Variants in PSME1 observed in about 807,000 individuals in gnomAD.
PSME1 encodes proteasome activator subunit 1.
In PSME1, 15 loss-of-function variants were observed where a neutral mutation model predicts 38.4. The ratio of observed to expected loss-of-function variants is 0.39; its 90% CI spans 0.26 to 0.60. The LOEUF (loss-of-function observed/expected upper bound fraction) is 0.60, where lower values mean the gene tolerates loss of function less well. PSME1 is among the 20% of genes least tolerant of loss of function. The pLI is 0.53. For synonymous variants in PSME1, 106 were observed against 106.8 expected, an observed-to-expected ratio of 0.99 and a Z score of 0.05; for missense variants, 249 against 305.6, an observed-to-expected ratio of 0.81 and a Z score of 1.38.
Position 24,137,550 on chromosome 14 carries a change from G to A in PSME1, c.277G>A (p.Glu93Lys). ...KEDKDEKKKGEDEDKGPPCGP... is the reference protein window; with the variant it reads ...KEDKDEKKKGKDEDKGPPCGP... ...AGACAAGGATGAAAAGAAGAAGGGGGAGGATGAAGACAAAGGTACTTGAAA... is the reference window on the plus strand; with the variant it reads ...AGACAAGGATGAAAAGAAGAAGGGGAAGGATGAAGACAAAGGTACTTGAAA... The change falls in exon 5 of 11, where the codon GAG (glutamate) becomes AAG (lysine). Residue 93 changes from glutamate to lysine, a missense_variant. Glu to Lys is a moderately conservative substitution (Grantham distance 56). Coordinates refer to ENST00000206451, the MANE Select transcript of PSME1 (RefSeq NM_006263.4). The A allele has an allele frequency of 6.2e-7, 1 of 1,614,188 alleles. No homozygotes were observed. Among genetic ancestry groups the A allele is most frequent in the Non-Finnish European group, 8.5e-7 (1 of 1,180,036 alleles).
At position 24,138,272 on chromosome 14, in the gene PSME1, C is replaced by A; in HGVS notation, c.527+9C>A. 2 of 1,613,848 alleles carry A rather than the reference C, an allele frequency of 1.2e-6. No homozygotes were observed. The highest frequency in any genetic ancestry group is 1.7e-6 in the Non-Finnish European group (2 of 1,179,740). ...CACACTCAAATCTCTAAGTGAGTGACCACCCATGTGCACACTGTTTTTGTT... is the reference window on the plus strand; with the variant it reads ...CACACTCAAATCTCTAAGTGAGTGAACACCCATGTGCACACTGTTTTTGTT... On this transcript the variant is annotated intron_variant, in intron 8 of 10. Transcript: ENST00000206451.
rs1209461998 is a variant in PSME1 at position 24,137,431 on chromosome 14, G to A, written c.246G>A (p.Glu82=). The A allele has an allele frequency of 3.7e-6, 6 of 1,614,184 alleles. No homozygotes were observed. The highest frequency in any genetic ancestry group is 5.1e-6 in the Non-Finnish European group (6 of 1,180,022). Residue 82 remains glutamate, a splice_region_variant and synonymous_variant, in exon 4 of 11, where the codon GAG becomes GAA. Coordinates refer to ENST00000206451, the MANE Select transcript of PSME1 (RefSeq NM_006263.4). The part of the protein sequence containing the change: ...KEKEERKKQQ[E]KEDKDEKKKG... Reference sequence around the variant, plus strand: ...AAGAGGAGCGGAAGAAACAGCAGGAGGCAAGCTGGGAAGACCTGGGAGAAG... The same window carrying A: ...AAGAGGAGCGGAAGAAACAGCAGGAAGCAAGCTGGGAAGACCTGGGAGAAG...
rs2037910114 is a variant in PSME1, at chr14:24,136,831, C to T, written c.40-154C>T. 2 of 832,958 alleles carry T rather than the reference C, an allele frequency of 2.4e-6. No individual in the cohort carries two copies. Among genetic ancestry groups the T allele is most frequent in the Non-Finnish European group, 4.0e-6 (2 of 499,740 alleles). The allele number at this position is 832,958 out of a possible 1,614,324, so 51.6% of individuals were successfully genotyped here. The stretch of plus-strand genomic sequence containing the variant: ...CCACCTTCTCCACCACCCCAACCCA[C>T]CCTACAGGCATCCATCTCGCTTTCT... On this transcript the variant is annotated intron_variant, in intron 1 of 10. Transcript: ENST00000206451. This position sits in a 1 kb window ranked among gnomAD's most constrained non-coding sequence, Gnocchi z 4.8.
Position 24,137,803 on chromosome 14 carries a change from C to T in PSME1, c.390+6C>T, listed in dbSNP as rs368068635. ...TCATTGAGCAGCTCAACCTGGTAAG[C>T]CCTCCCCCTTAAACTCTCAGGCTTC... On this transcript the variant is annotated splice_donor_region_variant and intron_variant, in intron 6 of 10. Coordinates refer to ENST00000206451, the MANE Select transcript of PSME1 (RefSeq NM_006263.4). 2 of 1,612,992 alleles carry T rather than the reference C, an allele frequency of 1.2e-6. No homozygotes were observed. The highest frequency in any genetic ancestry group is 1.7e-6 in the Non-Finnish European group (2 of 1,178,932).
intron 9 of PSME1, 25 bp from the exon 10 acceptor site, chr14:24,138,449 C>G: frequency 6.2e-7 from 1 of 1,614,134 alleles, no homozygotes; most frequent in Non-Finnish European, 8.5e-7. Context: ...CATGTAAGGT[C>G]AGGCCTGACC....
chr14:24,137,445 A>C lies in PSME1; in HGVS notation c.246+14A>C, dbSNP rs1252655916. The C allele has an allele frequency of 6.2e-7, 1 of 1,614,000 alleles. No individual in the cohort carries two copies. The highest frequency in any genetic ancestry group is 8.5e-7 in the Non-Finnish European group (1 of 1,179,946). ...AAACAGCAGGAGGCAAGCTGGGAAGACCTGGGAGAAGGGATCCAACTATGG... is the reference window on the plus strand; with the variant it reads ...AAACAGCAGGAGGCAAGCTGGGAAGCCCTGGGAGAAGGGATCCAACTATGG... On this transcript the variant is annotated intron_variant, in intron 4 of 10. Transcript: ENST00000206451.
At chr14:24,138,155 C>G (rs758891347) in intron 7 of PSME1, 38 bp downstream of exon 7, 1 of 1,614,002 alleles carries the variant, frequency 6.2e-7, no homozygotes, top group Non-Finnish European at 8.5e-7. Context: ...CTTTTCTAGT[C>G]CATGCTTCCT....
intron 6 of PSME1, 121 bp downstream of exon 6, chr14:24,137,918 A>T: frequency 6.7e-7 from 1 of 1,487,658 alleles, no homozygotes; most frequent in Admixed American, 1.7e-5. Flanking sequence ...GTGAAACCAG[A>T]AGTCCAGGCC....
rs564965271 is a variant in PSME1 at position 24,136,527 on chromosome 14, G to A, written c.39+226G>A. Among the ~76,000 whole-genome samples the A allele has an allele frequency of 2.0e-5, 3 of 152,284 alleles. No homozygotes were observed. ...AGGTGAAGCGGAGAGCTGGCGTGGA[G>A]GGGAACTCCGCTGGCCTGGGGCCGG... On this transcript the variant is annotated intron_variant, in intron 1 of 10. Coordinates refer to ENST00000206451, the MANE Select transcript of PSME1 (RefSeq NM_006263.4). The surrounding 1 kb of genome is among the most constrained non-coding windows in gnomAD (Gnocchi z 4.8).
intron 5 of PSME1, 21 bp downstream of exon 5, chr14:24,137,586 G>C: frequency 6.2e-7 from 1 of 1,614,054 alleles, no homozygotes; most frequent in Non-Finnish European, 8.5e-7. Context: ...CCACAATGGT[G>C]GGAAGAGACT....
chr14:24,136,318 C>T lies in PSME1; in HGVS notation c.39+17C>T, dbSNP rs558255930. The T allele has an allele frequency of 1.2e-5, 18 of 1,516,618 alleles. No homozygotes were observed. The highest frequency in any genetic ancestry group is 1.8e-4 in the Middle Eastern group (1 of 5,696). The allele number at this position is 1,516,618 out of a possible 1,614,324, so 93.9% of individuals were successfully genotyped here. A position where few individuals can be genotyped will look rare whatever the true frequency, so the allele number is the denominator to read the frequency against. ...CAAGCCAAGGTGAGCGCCGCGGGGT[C>T]TAGAAAGGGCCCACTGGGGAGGCGT... is the stretch of plus-strand genomic sequence containing the variant. On this transcript the variant is annotated intron_variant, in intron 1 of 10. Coordinates refer to ENST00000206451, the MANE Select transcript of PSME1 (RefSeq NM_006263.4). This position sits in a 1 kb window ranked among gnomAD's most constrained non-coding sequence, Gnocchi z 4.8.
rs187790807 is a variant in PSME1 at position 24,137,450 on chromosome 14, G to A, written c.246+19G>A. ...GCAGGAGGCAAGCTGGGAAGACCTG[G>A]GAGAAGGGATCCAACTATGGGGGTA... On this transcript the variant is annotated intron_variant, in intron 4 of 10. Coordinates refer to ENST00000206451, the MANE Select transcript of PSME1 (RefSeq NM_006263.4). The A allele has an allele frequency of 9.2e-5, 149 of 1,614,078 alleles. 1 individual carries two copies. In the Admixed American group the frequency reaches 2.4e-3, roughly 27 times the overall value.
Position 24,136,222 on chromosome 14 carries a change from C to G in PSME1, c.-41C>G. 1 of 1,515,416 alleles carries G rather than the reference C, an allele frequency of 6.6e-7. No individual in the cohort carries two copies. Among genetic ancestry groups the G allele is most frequent in the African/African-American group, 1.4e-5 (1 of 69,086 alleles). 93.9% of individuals were successfully genotyped at this position (1,515,416 alleles called of 1,614,324 possible). ...GCTTTCGCTTTCCCTTCGCGGTGCCCACTCCACTCCTTGTGCGGCGCTAGG... is the reference window on the plus strand; with the variant it reads ...GCTTTCGCTTTCCCTTCGCGGTGCCGACTCCACTCCTTGTGCGGCGCTAGG... On this transcript the variant is annotated 5_prime_UTR_variant, in exon 1 of 11. Transcript: ENST00000206451. The surrounding 1 kb of genome is among the most constrained non-coding windows in gnomAD (Gnocchi z 4.8).
In PSME1 at chr14:24,138,245, T is replaced by G; in HGVS notation, c.509T>G (p.Phe170Cys). ...AGCCTCCACACCAAGCTAGAAGGCT[T>G]CCACACTCAAATCTCTAAGTGAGTG... is the stretch of plus-strand genomic sequence containing the variant. ...MTSLHTKLEG[F>C]HTQISKYFSE... Residue 170 changes from phenylalanine (F) to cysteine (C), a missense_variant, in exon 8 of 11, where the codon TTC (phenylalanine) becomes TGC (cysteine). Coordinates refer to ENST00000206451, the MANE Select transcript of PSME1 (RefSeq NM_006263.4). 6.2e-7 allele frequency: 1 copy of G among 1,614,206 alleles called. No homozygotes were observed. Among genetic ancestry groups the G allele is most frequent in the Non-Finnish European group, 8.5e-7 (1 of 1,180,032 alleles).
chr14:24,137,081 A>C (rs1350449441), intron 2 of PSME1, 62 bp from the exon 3 acceptor site: 1 of 1,613,788 alleles, frequency 6.2e-7, no homozygotes, highest in Non-Finnish European at 8.5e-7. Context: ...ACCCTGCCTC[A>C]CTACCTAGGA....
At position 24,137,174 on chromosome 14, in the gene PSME1, A is replaced by G. The variant is rs773083413; in HGVS notation, c.104A>G (p.Lys35Arg). 6.6e-5 allele frequency: 107 copies of G among 1,614,024 alleles called. No homozygotes were observed. The highest frequency in any genetic ancestry group is 8.1e-5 in the Non-Finnish European group (95 of 1,180,004). The change falls in exon 3 of 11, where the codon AAG becomes AGG. Residue 35 changes from lysine to arginine, a missense_variant. Lys to Arg is a conservative substitution (Grantham distance 26). Transcript: ENST00000206451. The part of the protein sequence containing the change: ...TENLLGSYFP[K>R]KISELDAFLK... The stretch of plus-strand genomic sequence containing the variant: ...AACCTGCTCGGGAGCTATTTCCCCA[A>G]GAAGATTTCTGAGCTGGATGCATTT...
Position 24,136,347 on chromosome 14 carries a change from T to A in PSME1, c.39+46T>A, listed in dbSNP as rs2037901387. The stretch of plus-strand genomic sequence containing the variant: ...AAAGGGCCCACTGGGGAGGCGTGGC[T>A]GGAGCGGCCGGGGGCATCCCCGACC... On this transcript the variant is annotated intron_variant, in intron 1 of 10. Coordinates refer to ENST00000206451, the MANE Select transcript of PSME1 (RefSeq NM_006263.4). The surrounding 1 kb of genome is among the most constrained non-coding windows in gnomAD (Gnocchi z 4.8). 5 of 1,486,780 alleles carry A rather than the reference T, an allele frequency of 3.4e-6. No homozygotes were observed. The East Asian group carries it at 1.5e-4, about 44-fold the overall frequency. The allele number at this position is 1,486,780 out of a possible 1,614,324, so 92.1% of individuals were successfully genotyped here.
In PSME1 at chr14:24,138,073, A is replaced by C; in HGVS notation, c.415A>C (p.Ile139Leu). Residue 139 changes from isoleucine to leucine, a missense_variant, in exon 7 of 11, where the codon ATA becomes CTA. By Grantham distance (5) the Ile-to-Leu change is conservative (BLOSUM62 2). Coordinates refer to ENST00000206451, the MANE Select transcript of PSME1 (RefSeq NM_006263.4). ...GGTCACCACCTGGTTGCAGCTGCAG[A>C]TACCTCGGATTGAGGATGGTAACAA... ...NLVTTWLQLQ[I>L]PRIEDGNNFG... 1.9e-6 allele frequency: 3 copies of C among 1,614,240 alleles called. No individual in the cohort carries two copies. The highest frequency in any genetic ancestry group is 2.5e-6 in the Non-Finnish European group (3 of 1,180,044).
rs2037905339 is a variant in PSME1 at position 24,136,540 on chromosome 14, G to C, written c.39+239G>C. 6.6e-6 allele frequency among the ~76,000 whole-genome samples: 1 copy of C among 152,158 alleles called. No individual in the cohort carries two copies. The highest frequency in any genetic ancestry group is 1.5e-5 in the Non-Finnish European group (1 of 68,002). On this transcript the variant is annotated intron_variant, in intron 1 of 10. Coordinates refer to ENST00000206451, the MANE Select transcript of PSME1 (RefSeq NM_006263.4). The surrounding 1 kb of genome is among the most constrained non-coding windows in gnomAD (Gnocchi z 4.8). The stretch of plus-strand genomic sequence containing the variant: ...AGCTGGCGTGGAGGGGAACTCCGCT[G>C]GCCTGGGGCCGGGGCCACACACAGA...
Sources: allele counts gnomAD v4.1 joint callset (sites outside exome capture counted in the v4.1 genomes callset), GRCh38; gene constraint gnomAD v4.1.1; non-coding constraint Gnocchi (gnomAD v3.1); transcripts MANE v1.5; gene names NCBI Gene and HGNC (gene_info 2026-07-23, HGNC 2026-07-21).